NEK11: variants seen among roughly 807,000 people sequenced by gnomAD.
NEK11 encodes the protein serine/threonine-protein kinase Nek11.
In NEK11, 72 loss-of-function variants were observed where a neutral mutation model predicts 80.7. The ratio of observed to expected loss-of-function variants is 0.89; its 90% CI spans 0.74 to 1.08. The LOEUF (loss-of-function observed/expected upper bound fraction) is 1.08, where lower values mean the gene tolerates loss of function less well. Among genes scored for constraint, NEK11 ranks in the 50% least tolerant of loss-of-function variants. NEK11 has a pLI of 0.00. For missense variants in NEK11, 764 were observed against 763.6 expected (o/e 1.00, Z -0.01); for synonymous variants, 251 against 260.7 (o/e 0.96, Z 0.36).
At chr3:131,256,820 A>G (rs1184544791) in intron 16 of NEK11, among the ~76,000 whole-genome samples, 1 of 152,088 alleles carries the variant, frequency 6.6e-6, no homozygotes, top group East Asian at 1.9e-4. Context: ...TCCCTTCCAA[A>G]TTGGCCTTTC....
intron 7 of NEK11, among the ~76,000 whole-genome samples, chr3:131,139,902 A>G (rs1208359886): frequency 6.6e-6 from 1 of 152,182 alleles, no homozygotes; most frequent in Non-Finnish European, 1.5e-5. Flanking sequence ...GGGGCGAGGA[A>G]AGAGTGTGGC....
chr3:131,045,055 G>A (rs1206019938), intron 3 of NEK11, among the ~76,000 whole-genome samples: 1 of 152,054 alleles, frequency 6.6e-6, no homozygotes, highest in Non-Finnish European at 1.5e-5. Flanking sequence ...GCAGAAATAA[G>A]TTCTTTGAAA....
At chr3:131,202,844 GC>G (rs1256243885) in intron 14 of NEK11, among the ~76,000 whole-genome samples, 2 of 152,284 alleles carry the variant, frequency 1.3e-5, no homozygotes, top group Non-Finnish European at 2.9e-5. Context: ...ATCATCACTG[GC>G]CATCAGAGAA....
chr3:131,328,222 C>T (rs1002847411), intron 17 of NEK11, among the ~76,000 whole-genome samples: 4 of 151,572 alleles, frequency 2.6e-5, no homozygotes, highest in Non-Finnish European at 5.9e-5. Flanking sequence ...CCTGGGAGGT[C>T]GAGGTTGCAG....
At chr3:131,144,339 G>A (rs2718858) in intron 7 of NEK11, among the ~76,000 whole-genome samples, 152,129 of 152,270 alleles carry the variant, frequency 1, 75,994 homozygotes, top group East Asian at 1. Context: ...AATGCAAATT[G>A]TAGACTTCTA....
intron 3 of NEK11, among the ~76,000 whole-genome samples, chr3:131,052,004 C>T (rs1211691825): frequency 6.6e-6 from 1 of 152,158 alleles, no homozygotes; most frequent in Non-Finnish European, 1.5e-5. Flanking sequence ...CAAAAGGTAA[C>T]CACTGTTAAG....
intron 14 of NEK11, among the ~76,000 whole-genome samples, chr3:131,191,462 C>T (rs926729602): frequency 6.6e-6 from 1 of 152,194 alleles, no homozygotes; most frequent in African/African-American, 2.4e-5. Flanking sequence ...GGTTCTCCCT[C>T]TTCTGTGCTG....
rs1174606146 is a variant in NEK11 at position 131,179,582 on chromosome 3, A to C, written c.1399+8695A>C. The stretch of plus-strand genomic sequence containing the variant: ...AGTTTAAATTTGTTACTAAATTAAC[A>C]ATGTATTATAAATAGAAATTTATCT... On this transcript the variant is annotated intron_variant, in intron 14 of 17. Transcript: ENST00000383366. Among the ~76,000 whole-genome samples, 6 of 152,224 alleles carry C rather than the reference A, an allele frequency of 3.9e-5. No homozygotes were observed. In the South Asian group the frequency reaches 1.0e-3, roughly 26 times the overall value.
At chr3:131,209,025 G>T (rs992992364) in intron 14 of NEK11, among the ~76,000 whole-genome samples, 1 of 152,170 alleles carries the variant, frequency 6.6e-6, no homozygotes, top group African/African-American at 2.4e-5. Context: ...GTGAGAGAAG[G>T]CATCCCTGTC....
At chr3:131,104,455 C>A (rs2078871042) in intron 4 of NEK11, among the ~76,000 whole-genome samples, 1 of 152,100 alleles carries the variant, frequency 6.6e-6, no homozygotes, top group South Asian at 2.1e-4. Context: ...TTTACTCTCT[C>A]CCCAGCCTGA....
intron 17 of NEK11, among the ~76,000 whole-genome samples, chr3:131,276,178 T>C (rs1211138486): frequency 1.3e-5 from 2 of 152,216 alleles, no homozygotes; most frequent in African/African-American, 4.8e-5. Context: ...TTTTCTAAGA[T>C]TCAGTTTCTT....
chr3:131,103,299 T>G (rs1460897542), intron 4 of NEK11, among the ~76,000 whole-genome samples: 1 of 152,196 alleles, frequency 6.6e-6, no homozygotes, highest in Non-Finnish European at 1.5e-5. Context: ...AAGGTTGGCG[T>G]TCCTTTAATT....
At chr3:131,348,513 C>T (rs1023434010) in intron 17 of NEK11, among the ~76,000 whole-genome samples, 16 of 151,448 alleles carry the variant, frequency 1.1e-4, no homozygotes, top group Admixed American at 2.6e-4. Flanking sequence ...GCTTGCAGGC[C>T]CCACATAAAG....
intron 15 of NEK11, among the ~76,000 whole-genome samples, chr3:131,230,959 T>G (rs2095317605): frequency 6.6e-6 from 1 of 152,176 alleles, no homozygotes; most frequent in South Asian, 2.1e-4. Flanking sequence ...TTTTTCACTT[T>G]GCTCTCATTC....
At chr3:131,333,586 C>T (rs2097131799) in intron 17 of NEK11, among the ~76,000 whole-genome samples, 1 of 152,054 alleles carries the variant, frequency 6.6e-6, no homozygotes, top group East Asian at 1.9e-4. Context: ...CAGCTAACAT[C>T]ATAATGACAG....
chr3:131,322,869 T>C (rs2096911278), intron 17 of NEK11, among the ~76,000 whole-genome samples: 1 of 152,208 alleles, frequency 6.6e-6, no homozygotes, highest in Non-Finnish European at 1.5e-5. Context: ...GAATCTTTCC[T>C]TCTGTAAAAT....
chr3:131,321,949 A>G (rs1441818539), intron 17 of NEK11, among the ~76,000 whole-genome samples: 1 of 152,204 alleles, frequency 6.6e-6, no homozygotes, highest in Non-Finnish European at 1.5e-5. Context: ...TAAAGAATTT[A>G]AAACAGGAAT....
chr3:131,184,181 C>T (rs1410755550), intron 14 of NEK11, among the ~76,000 whole-genome samples: 1 of 152,142 alleles, frequency 6.6e-6, no homozygotes, highest in Non-Finnish European at 1.5e-5. Flanking sequence ...TCAAAAATGT[C>T]AGAGGAAGTA....
chr3:131,172,604 T>A (rs192650262), intron 14 of NEK11, among the ~76,000 whole-genome samples: 1 of 152,228 alleles, frequency 6.6e-6, no homozygotes, highest in African/African-American at 2.4e-5. Context: ...GATATATTAT[T>A]TGTTAATTTC....
Sources: allele counts gnomAD v4.1 joint callset (sites outside exome capture counted in the v4.1 genomes callset), GRCh38; gene constraint gnomAD v4.1.1; transcripts MANE v1.5; gene names NCBI Gene and HGNC (gene_info 2026-07-23, HGNC 2026-07-21).